SLC44A5: variants seen among roughly 807,000 people sequenced by gnomAD.
SLC44A5 encodes choline transporter-like protein 5.
In SLC44A5, 57 loss-of-function variants were observed where a neutral mutation model predicts 101.8. That is an observed-to-expected ratio of 0.56 (90% CI 0.45 to 0.70). The LOEUF is 0.70. Ranked by LOEUF, SLC44A5 falls within the 30% of genes least tolerant of loss-of-function variation. The pLI is 0.00. For missense variants in SLC44A5, 737 were observed against 853.1 expected (o/e 0.86, Z 1.70); for synonymous variants, 281 against 290.9 (o/e 0.97, Z 0.35).
chr1:75,376,916 T>G (rs1164988513), intron 3 of SLC44A5, among the ~76,000 whole-genome samples: 1 of 152,068 alleles, frequency 6.6e-6, no homozygotes, highest in Non-Finnish European at 1.5e-5. Flanking sequence ...GGCAAAGAAG[T>G]TGAAAACTTT....
At chr1:75,299,458 G>A (rs1044893935) in intron 5 of SLC44A5, among the ~76,000 whole-genome samples, 2 of 152,080 alleles carry the variant, frequency 1.3e-5, no homozygotes, top group Non-Finnish European at 2.9e-5. Flanking sequence ...GTTTTTCATT[G>A]TTCTCCAGTT....
the SLC44A5 span, among the ~76,000 whole-genome samples, chr1:75,680,945 A>T: frequency 6.6e-6 from 1 of 150,602 alleles, no homozygotes; most frequent in Admixed American, 6.7e-5. Context: ...CACCGAACCC[A>T]CAGAAATACA....
intron 2 of SLC44A5, among the ~76,000 whole-genome samples, chr1:75,461,912 C>T (rs1666521844): frequency 6.6e-6 from 1 of 152,176 alleles, no homozygotes; most frequent in Non-Finnish European, 1.5e-5. Flanking sequence ...GACTCTAGTT[C>T]CTGGCTCCCA....
At chr1:75,464,859 C>T (rs1666726553) in intron 2 of SLC44A5, among the ~76,000 whole-genome samples, 1 of 152,136 alleles carries the variant, frequency 6.6e-6, no homozygotes, top group Admixed American at 6.5e-5. Flanking sequence ...GCACCCAACA[C>T]TGGAGCACCC....
rs560660149 is a variant in SLC44A5, at chr1:75,211,275, C to G, written c.2047+193G>C. Among the ~76,000 whole-genome samples, 10 of 152,268 alleles carry G rather than the reference C, an allele frequency of 6.6e-5. No homozygotes were observed. The East Asian group carries it at 1.9e-3, about 29-fold the overall frequency. The stretch of plus-strand genomic sequence containing the variant: ...GTGAGATCATGAAGTATTTGTCTTT[C>G]TGCATCTGACTTATTTCTCAGGTAT... On this transcript the variant is annotated intron_variant, in intron 23 of 23. Coordinates refer to ENST00000370859, the MANE Select transcript of SLC44A5 (RefSeq NM_001130058.2).
At chr1:75,643,892 G>A in the SLC44A5 span, among the ~76,000 whole-genome samples, 3 of 152,158 alleles carry the variant, frequency 2.0e-5, no homozygotes, top group African/African-American at 7.2e-5. Context: ...AGTAATGTGA[G>A]TATACATGGT....
chr1:75,644,798 C>G, the SLC44A5 span, among the ~76,000 whole-genome samples: 1 of 149,222 alleles, frequency 6.7e-6, no homozygotes, highest in Non-Finnish European at 1.5e-5. Context: ...CCTCCCCCCA[C>G]CCCACAACAG....
At chr1:75,487,992 C>A (rs1037299341) in intron 2 of SLC44A5, among the ~76,000 whole-genome samples, 3 of 151,976 alleles carry the variant, frequency 2.0e-5, no homozygotes, top group African/African-American at 7.3e-5. Flanking sequence ...GGAGTGCAAA[C>A]CCTATTGTGA....
rs559004426 is a variant in SLC44A5, at chr1:75,605,145, C to T, written c.-70+5895G>A. On this transcript the variant is annotated intron_variant, in intron 1 of 23. Coordinates refer to ENST00000370859, the MANE Select transcript of SLC44A5 (RefSeq NM_001130058.2). The stretch of plus-strand genomic sequence containing the variant: ...GTCTTTGACTTTGAACACTGAAAGA[C>T]AATCCAGAGAACTAGCAAATTTACA... Among the ~76,000 whole-genome samples the T allele has an allele frequency of 7.9e-5, 12 of 152,040 alleles. No individual in the cohort carries two copies. The East Asian group carries it at 2.3e-3, about 29-fold the overall frequency.
intron 3 of SLC44A5, among the ~76,000 whole-genome samples, chr1:75,366,600 A>C (rs992461900): frequency 6.6e-6 from 1 of 152,162 alleles, no homozygotes; most frequent in Non-Finnish European, 1.5e-5. Context: ...GCCATTATTT[A>C]TTTAAACAAG....
the SLC44A5 span, among the ~76,000 whole-genome samples, chr1:75,708,651 G>A: frequency 6.6e-6 from 1 of 151,830 alleles, no homozygotes; most frequent in African/African-American, 2.4e-5. Flanking sequence ...TAAAAACGAT[G>A]GCAATTATGT....
chr1:75,629,382 C>A, the SLC44A5 span, among the ~76,000 whole-genome samples: 396 of 152,258 alleles, frequency 2.6e-3, 1 homozygote, highest in African/African-American at 9.1e-3. Flanking sequence ...AGAATCTGGG[C>A]TCCATGTTGA....
chr1:75,259,727 A>C (rs977878035), intron 6 of SLC44A5, among the ~76,000 whole-genome samples: 2 of 152,106 alleles, frequency 1.3e-5, no homozygotes, highest in African/African-American at 4.8e-5. Flanking sequence ...ACACACAATC[A>C]TCAGATTCAC....
chr1:75,292,963 T>C (rs1299096002), intron 5 of SLC44A5, among the ~76,000 whole-genome samples: 2 of 152,238 alleles, frequency 1.3e-5, no homozygotes, highest in Non-Finnish European at 2.9e-5. Flanking sequence ...ACAAATCTGG[T>C]TCAATCATCT....
rs1660649366 is a variant in SLC44A5 at position 75,376,740 on chromosome 1, C to G, written c.52+19843G>C. 5.3e-5 allele frequency among the ~76,000 whole-genome samples: 8 copies of G among 152,218 alleles called. No individual in the cohort carries two copies. The South Asian group carries it at 1.7e-3, about 32-fold the overall frequency. On this transcript the variant is annotated intron_variant, in intron 3 of 23. Coordinates refer to ENST00000370859, the MANE Select transcript of SLC44A5 (RefSeq NM_001130058.2). The stretch of plus-strand genomic sequence containing the variant: ...CCACAAAGATGGGGAAAAAACAGAG[C>G]AGAAAAACTGGAAACTCTAAAAAGC...
At chr1:75,579,028 G>C (rs1283634586) in intron 1 of SLC44A5, among the ~76,000 whole-genome samples, 1 of 152,054 alleles carries the variant, frequency 6.6e-6, no homozygotes, top group Non-Finnish European at 1.5e-5. Flanking sequence ...ATCAATAATA[G>C]TAATATGGAT....
At chr1:75,614,950 G>T (rs1347855054), upstream of SLC44A5, among the ~76,000 whole-genome samples, 1 of 152,064 alleles carries the variant, frequency 6.6e-6, no homozygotes, top group Non-Finnish European at 1.5e-5. Context: ...CTGCGAGTCC[G>T]CGCTGCGGGA....
At chr1:75,254,700 T>C (rs1649866432) in intron 6 of SLC44A5, among the ~76,000 whole-genome samples, 1 of 151,974 alleles carries the variant, frequency 6.6e-6, no homozygotes, top group African/African-American at 2.4e-5. Flanking sequence ...CATACAGGGG[T>C]ACAGGGAGGG....
At chr1:75,685,339 C>T in the SLC44A5 span, among the ~76,000 whole-genome samples, 2 of 152,176 alleles carry the variant, frequency 1.3e-5, no homozygotes, top group African/African-American at 4.8e-5. Context: ...ATTACTTATG[C>T]AAATTTCTGC....
Sources: allele counts gnomAD v4.1 joint callset (sites outside exome capture counted in the v4.1 genomes callset), GRCh38; gene constraint gnomAD v4.1.1; transcripts MANE v1.5; gene names NCBI Gene and HGNC (gene_info 2026-07-23, HGNC 2026-07-21).